The following DSN1 variants were observed in gnomAD, a reference collection of about 807,000 sequenced individuals.
DSN1 encodes DSN1 component of MIS12 kinetochore complex.
In DSN1, 31 loss-of-function variants were observed where a neutral mutation model predicts 45.7. The observed-to-expected ratio is 0.68, with a 90% CI of 0.51 to 0.92. The LOEUF is 0.92. DSN1 is among the 40% of genes least tolerant of loss of function. DSN1 has a pLI of 0.00. For missense variants in DSN1, 394 were observed against 414.2 expected (o/e 0.95, Z 0.42); for synonymous variants, 134 against 142.3 (o/e 0.94, Z 0.41).
intron 1 of DSN1, among the ~76,000 whole-genome samples, chr20:36,773,166 G>A (rs1314253423): frequency 1.3e-5 from 2 of 152,208 alleles, no homozygotes; most frequent in Non-Finnish European, 1.5e-5. Context: ...AGCAACAACT[G>A]TCAACTGTTA....
chr20:36,770,821 C>T, intron 3 of DSN1, 52 bp downstream of exon 3: 1 of 1,540,276 alleles, frequency 6.5e-7, no homozygotes, highest in African/African-American at 1.4e-5. Flanking sequence ...GAGCTGGAAC[C>T]TGTCTCTTAT....
At chr20:36,765,247 TAAAAAAAAA>T (rs33998027) in intron 5 of DSN1, among the ~76,000 whole-genome samples, 7 of 75,278 alleles carry the variant, frequency 9.3e-5, no homozygotes, top group Non-Finnish European at 1.6e-4. Flanking sequence ...AGGCTTGTGT[TAAAAAAAAA>T]AAAAAAAAAA....
Position 36,766,163 on chromosome 20 carries a change from C to G in DSN1, c.502+606G>C, listed in dbSNP as rs751890644. On this transcript the variant is annotated intron_variant, in intron 5 of 10. Transcript: ENST00000373750. ...GAGCCAAGACTGTGCCACTGTATTC[C>G]AGCCTGGGTGACAGAGCCGCGACTC... 2.2e-5 allele frequency among the ~76,000 whole-genome samples: 3 copies of G among 135,644 alleles called. No individual in the cohort carries two copies. In the South Asian group the frequency reaches 6.8e-4, roughly 31 times the overall value. The allele number at this position is 135,644 out of a possible 152,430, so 89.0% of individuals were successfully genotyped here. A position where few individuals can be genotyped will look rare whatever the true frequency, so the allele number is the denominator to read the frequency against.
intron 10 of DSN1, among the ~76,000 whole-genome samples, chr20:36,753,159 C>T (rs923027166): frequency 2.0e-5 from 3 of 147,396 alleles, no homozygotes; most frequent in Non-Finnish European, 4.5e-5. Context: ...GCCTGGGCAA[C>T]ACAGTAAGAC....
intron 5 of DSN1, among the ~76,000 whole-genome samples, chr20:36,766,450 T>C (rs1195707509): frequency 6.6e-6 from 1 of 151,910 alleles, no homozygotes; most frequent in Non-Finnish European, 1.5e-5. Context: ...GGCAGATCAC[T>C]GAGGTCAGGA....
rs1987616749 is a variant in DSN1 at position 36,771,008 on chromosome 20, G to A, written c.220C>T (p.Gln74Ter). The A allele has an allele frequency of 1.2e-6, 2 of 1,614,082 alleles. No homozygotes were observed. Among genetic ancestry groups the A allele is most frequent in the African/African-American group, 2.7e-5 (2 of 74,920 alleles). ...NCDLSHQERL[Q>*]SKSLHLSPQE... is the part of the protein sequence containing the mutation. ...GGAGACAAATGAAGGGACTTCGACT[G>A]AAGTCTTTCCTGGTGGCTGAGATCA... Residue 74 changes from glutamine (Q) to a stop codon, truncating the protein, a stop_gained, in exon 3 of 11, where the codon CAG (glutamine) becomes TAG (stop). Coordinates refer to ENST00000373750, the MANE Select transcript of DSN1 (RefSeq NM_001145315.2). LOFTEE classifies it high-confidence loss of function.
chr20:36,764,995 G>T (rs1393904273), intron 5 of DSN1, among the ~76,000 whole-genome samples: 4 of 150,806 alleles, frequency 2.7e-5, no homozygotes, highest in African/African-American at 9.7e-5. Flanking sequence ...TTCTTCAAAA[G>T]AAAAAGGAAC....
At chr20:36,762,100 C>CT (rs1235328830) in intron 6 of DSN1, among the ~76,000 whole-genome samples, 1,317 of 121,576 alleles carry the variant, frequency 0.011, 31 homozygotes, top group African/African-American at 0.016. Flanking sequence ...AGTCCTAATT[C>CT]TTTTTTTTTT....
rs1473069316 is a variant in DSN1 at position 36,752,267 on chromosome 20, T to G, written c.*521A>C. ...CAGGGTTTCACCTTATTTCTCAGGC[T>G]GGTCTTCAACTTCTGGGCTCAAGCA... On this transcript the variant is annotated 3_prime_UTR_variant, in exon 11 of 11. Coordinates refer to ENST00000373750, the MANE Select transcript of DSN1 (RefSeq NM_001145315.2). The G allele has an allele frequency of 6.6e-6, 1 of 152,354 alleles. No homozygotes were observed. Among genetic ancestry groups the G allele is most frequent in the Non-Finnish European group, 1.5e-5 (1 of 68,180 alleles). The allele number at this position is 152,354 out of a possible 1,614,324, so 9.4% of individuals were successfully genotyped here. A position where few individuals can be genotyped will look rare whatever the true frequency, so the allele number is the denominator to read the frequency against.
chr20:36,758,180 A>C lies in DSN1; in HGVS notation c.651-19T>G. The C allele has an allele frequency of 6.2e-7, 1 of 1,609,010 alleles. No individual in the cohort carries two copies. Among genetic ancestry groups the C allele is most frequent in the African/African-American group, 1.3e-5 (1 of 74,930 alleles). On this transcript the variant is annotated intron_variant, in intron 7 of 10. Coordinates refer to ENST00000373750, the MANE Select transcript of DSN1 (RefSeq NM_001145315.2). ...AGAAAACCTGTAAGAATCAGGAAAA[A>C]AAGTTCAGTTAATTTTTATAATCTT...
chr20:36,771,589 T>C, intron 1 of DSN1, 116 bp from the exon 2 acceptor site: 2 of 836,032 alleles, frequency 2.4e-6, no homozygotes, highest in Non-Finnish European at 3.8e-6. Context: ...GAGCTACCCT[T>C]ATCCACCTCC....
At position 36,752,570 on chromosome 20, in the gene DSN1, C is replaced by T. The variant is rs1020473020; in HGVS notation, c.*218G>A. On this transcript the variant is annotated 3_prime_UTR_variant, in exon 11 of 11. Coordinates refer to ENST00000373750, the MANE Select transcript of DSN1 (RefSeq NM_001145315.2). ...GATCATTTCAAAAAAGAAGTTTGAA[C>T]TTTCAAGCATTTTGCACATTCCTGG... 1.9e-5 allele frequency: 8 copies of T among 427,006 alleles called. No individual in the cohort carries two copies. Among genetic ancestry groups the T allele is most frequent in the African/African-American group, 1.6e-4 (8 of 48,940 alleles). The allele number at this position is 427,006 out of a possible 1,614,324, so 26.5% of individuals were successfully genotyped here. A position where few individuals can be genotyped will look rare whatever the true frequency, so the allele number is the denominator to read the frequency against.
Position 36,763,410 on chromosome 20 carries a change from G to GAAAAAAA in DSN1, c.503-869_503-863dup, listed in dbSNP as rs71186016. Among the ~76,000 whole-genome samples the GAAAAAAA allele has an allele frequency of 9.9e-4, 83 of 84,098 alleles. 1 individual carries two copies. The highest frequency in any genetic ancestry group is 1.8e-3 in the East Asian group (4 of 2,250). 55.2% of individuals were successfully genotyped at this position (84,098 alleles called of 152,430 possible). On this transcript the variant is annotated intron_variant, in intron 5 of 10. Transcript: ENST00000373750. Reference sequence around the variant, plus strand: ...AGAATGAGACTCTGTCTCAAAAAAAGAAAAAAAAAAAAAAAAAAAAAAAGA... The same window carrying GAAAAAAA: ...AGAATGAGACTCTGTCTCAAAAAAAGAAAAAAAAAAAAAAAAAAAAAAAAAAAAAAGA...
intron 1 of DSN1, 195 bp downstream of exon 1, chr20:36,773,467 G>T: frequency 1.0e-6 from 1 of 985,584 alleles, no homozygotes; most frequent in Non-Finnish European, 1.2e-6. Flanking sequence ...GACTGCCCTC[G>T]GGTTTCATTT....
At chr20:36,754,162 A>G (rs1334340172) in intron 10 of DSN1, among the ~76,000 whole-genome samples, 1 of 152,030 alleles carries the variant, frequency 6.6e-6, no homozygotes. Context: ...CCCCATCTCT[A>G]CAAAAAAATT....
chr20:36,771,512 T>C (rs985008909), intron 1 of DSN1, 39 bp from the exon 2 acceptor site: 11 of 1,595,566 alleles, frequency 6.9e-6, no homozygotes, highest in Admixed American at 3.4e-5. Flanking sequence ...TTCTTCACGT[T>C]TCACTGCAGT....
intron 3 of DSN1, among the ~76,000 whole-genome samples, chr20:36,769,203 TTAC>T (rs1271206017): frequency 1.3e-5 from 2 of 152,230 alleles, no homozygotes; most frequent in African/African-American, 4.8e-5. Context: ...TTGTAAACAA[TTAC>T]TACATAGCAA....
At chr20:36,755,973 TG>T in intron 8 of DSN1, 144 bp from the exon 9 acceptor site, 79 of 915,488 alleles carry the variant, frequency 8.6e-5, no homozygotes, top group Non-Finnish European at 1.1e-4. Flanking sequence ...GGTTTTTTTT[TG>T]TTTGTTTGTT....
Position 36,758,945 on chromosome 20 carries a change from C to G in DSN1, c.591-328G>C, listed in dbSNP as rs1289926648. On this transcript the variant is annotated intron_variant, in intron 6 of 10. Transcript: ENST00000373750. ...CAGGTGATCCGCCCGCCTCAACCTC[C>G]CAAAGTGCTGGGATTACAGGCATGA... is the stretch of plus-strand genomic sequence containing the variant. 2.0e-5 allele frequency among the ~76,000 whole-genome samples: 3 copies of G among 151,872 alleles called. No individual in the cohort carries two copies. The South Asian group carries it at 6.2e-4, about 31-fold the overall frequency.
Sources: gnomAD v4.1 joint callset for allele counts (sites outside exome capture counted in the v4.1 genomes callset) on GRCh38, gnomAD v4.1.1 for gene constraint, MANE v1.5 for transcripts, NCBI Gene and HGNC (gene_info 2026-07-23, HGNC 2026-07-21) for gene names.